The following KLC1 variants were observed in gnomAD, a reference collection of about 807,000 sequenced individuals.
KLC1 encodes the protein kinesin light chain 1.
KLC1 carries 30 observed loss-of-function variants against 84.2 expected under a neutral mutation model. That is an observed-to-expected ratio of 0.36 (90% confidence interval 0.27 to 0.48). KLC1 has a LOEUF of 0.48. Ranked by LOEUF, KLC1 falls within the 20% of genes least tolerant of loss-of-function variation. The probability of loss-of-function intolerance (pLI) is 0.99; values close to 1 mark genes in which losing one functional copy is unlikely to be tolerated. For missense variants in KLC1, 499 were observed against 805.4 expected (o/e 0.62, Z 4.60); for synonymous variants, 289 against 293.3 (o/e 0.99, Z 0.15).
rs768035221 is a variant in KLC1 at position 103,679,577 on chromosome 14, G to A, written c.1650+32G>A. 1.2e-5 allele frequency: 18 copies of A among 1,562,068 alleles called. No individual in the cohort carries two copies. The South Asian group carries it at 1.3e-4, about 12-fold the overall frequency. ...ACAGTACACAGCGGGCACGTGCTCC[G>A]GGAGGCGCCCCCAAGTGGCGCTTGC... On this transcript the variant is annotated intron_variant, in intron 13 of 16. Transcript: ENST00000334553.
chr14:103,673,233 G>T (rs11160757), intron 8 of KLC1, 46 bp downstream of exon 8: 1,526,636 of 1,579,244 alleles, frequency 0.97, 738,738 homozygotes, highest in East Asian at 0.98. Flanking sequence ...GAGTGCTTTC[G>T]TCCCAAGTCC....
At chr14:103,695,257 T>TC in intron 15 of KLC1, 9 of 678,440 alleles carry the variant, frequency 1.3e-5, no homozygotes, top group Non-Finnish European at 1.6e-5. Context: ...TGAGCCCAGT[T>TC]CAAGAACAGC....
chr14:103,632,871 G>C (rs1297719313), intron 1 of KLC1, among the ~76,000 whole-genome samples: 2 of 152,134 alleles, frequency 1.3e-5, no homozygotes, highest in Non-Finnish European at 2.9e-5. Context: ...GCCAGTGTCA[G>C]GGGGTCAGGG....
chr14:103,698,623 T>G, intron 15 of KLC1: 6 of 652,016 alleles, frequency 9.2e-6, no homozygotes, highest in Non-Finnish European at 1.6e-5. Flanking sequence ...CCAGCTCAGA[T>G]GGGGGTCAGT....
At chr14:103,666,447 G>A (rs1457317271) in intron 5 of KLC1, among the ~76,000 whole-genome samples, 1 of 152,156 alleles carries the variant, frequency 6.6e-6, no homozygotes, top group Non-Finnish European at 1.5e-5. Flanking sequence ...AGCAGGGCTA[G>A]GGTAGTCTGG....
In KLC1 at chr14:103,694,555, A is replaced by G; in HGVS notation, c.1848+2130A>G. The stretch of plus-strand genomic sequence containing the variant: ...CTGAGGCTGTATTTCTTAGCCGTCC[A>G]CAAACTAGTCCATAGGTAAAGAGCA... On this transcript the variant is annotated intron_variant, in intron 15 of 16. Coordinates refer to ENST00000334553, the MANE Select transcript of KLC1 (RefSeq NM_001394837.1). This position sits in a 1 kb window ranked among gnomAD's most constrained non-coding sequence, Gnocchi z 4.5. The G allele has an allele frequency of 1.0e-6, 1 of 985,508 alleles. No homozygotes were observed. Among genetic ancestry groups the G allele is most frequent in the Non-Finnish European group, 1.2e-6 (1 of 829,956 alleles). The allele number at this position is 985,508 out of a possible 1,614,324, so 61.0% of individuals were successfully genotyped here. A position where few individuals can be genotyped will look rare whatever the true frequency, so the allele number is the denominator to read the frequency against.
In KLC1 at chr14:103,647,183, G is replaced by A. The variant is rs75615962; in HGVS notation, c.-1-7381G>A. ...CTGTTAAGCCTTATTTCAAGTTTGA[G>A]CATGGGTTTTTTATTTACTTTCTTT... On this transcript the variant is annotated intron_variant, in intron 1 of 16. Transcript: ENST00000334553. Among the ~76,000 whole-genome samples the A allele has an allele frequency of 3.7e-4, 56 of 152,026 alleles. No individual in the cohort carries two copies. In the East Asian group the frequency reaches 0.01, roughly 27 times the overall value.
At chr14:103,656,618 T>G (rs1567018703) in intron 2 of KLC1, among the ~76,000 whole-genome samples, 1 of 152,222 alleles carries the variant, frequency 6.6e-6, no homozygotes, top group African/African-American at 2.4e-5. Context: ...CTAACCATGT[T>G]ACAGCCTTGA....
intron 13 of KLC1, chr14:103,685,223 A>G: frequency 7.1e-7 from 1 of 1,413,122 alleles, no homozygotes; most frequent in Non-Finnish European, 9.2e-7. Flanking sequence ...AGTTTCTGAA[A>G]TGTCTAAAAT....
intron 2 of KLC1, among the ~76,000 whole-genome samples, chr14:103,655,387 C>T (rs936473544): frequency 2.0e-5 from 3 of 152,016 alleles, no homozygotes; most frequent in African/African-American, 7.2e-5. Flanking sequence ...ACTGCATCCT[C>T]TGCCTCCTGG....
At chr14:103,700,573 C>A in intron 15 of KLC1, 82 bp from the exon 16 acceptor site, 1 of 1,131,822 alleles carries the variant, frequency 8.8e-7, no homozygotes, top group Non-Finnish European at 1.3e-6. Flanking sequence ...CAGCCACACG[C>A]TGGTGTCACG....
At chr14:103,640,589 T>C (rs1485935090) in intron 1 of KLC1, among the ~76,000 whole-genome samples, 1 of 151,508 alleles carries the variant, frequency 6.6e-6, no homozygotes, top group Non-Finnish European at 1.5e-5. Context: ...CTCGATCTCC[T>C]GACCTTGTGA....
intron 15 of KLC1, chr14:103,699,299 G>A (rs1412191892): frequency 1.4e-5 from 22 of 1,546,930 alleles, no homozygotes; most frequent in South Asian, 5.9e-5. Flanking sequence ...CCTCCAGACC[G>A]GCTCTGCTTC....
At chr14:103,643,398 G>A (rs1042565241) in intron 1 of KLC1, among the ~76,000 whole-genome samples, 4 of 152,176 alleles carry the variant, frequency 2.6e-5, no homozygotes, top group South Asian at 2.1e-4. Context: ...CCAGGTGGTC[G>A]AGGCTGATGT....
intron 13 of KLC1, chr14:103,684,863 T>C: frequency 1.5e-6 from 1 of 685,486 alleles, no homozygotes; most frequent in Non-Finnish European, 2.7e-6. Flanking sequence ...GGGGCTGCAC[T>C]GTTAATGACG....
chr14:103,670,135 A>C (rs531578661), intron 6 of KLC1, 47 bp from the exon 7 acceptor site: 1 of 1,318,406 alleles, frequency 7.6e-7, no homozygotes, highest in Non-Finnish European at 1.1e-6. Flanking sequence ...ATGTACTCTT[A>C]TTTGGTTATC....
intron 1 of KLC1, among the ~76,000 whole-genome samples, chr14:103,643,253 C>G (rs2077629560): frequency 6.6e-6 from 1 of 152,206 alleles, no homozygotes; most frequent in Admixed American, 6.5e-5. Context: ...AGAGGGTCCT[C>G]TATAACTTTC....
chr14:103,695,834 A>G (rs1478895643), intron 15 of KLC1: 3 of 985,288 alleles, frequency 3.0e-6, no homozygotes, highest in Non-Finnish European at 3.6e-6. Context: ...AAGCCAGCTC[A>G]TAAAGGAAGG....
In KLC1 at chr14:103,696,997, C is replaced by CG; in HGVS notation, c.1849-3654dup. On this transcript the variant is annotated intron_variant, in intron 15 of 16. Coordinates refer to ENST00000334553, the MANE Select transcript of KLC1 (RefSeq NM_001394837.1). The stretch of plus-strand genomic sequence containing the variant: ...GGGGCAGGAACTGAGCCAGCATGGG[C>CG]GGGGCCGGCCGAGCTTCCAGGCGTG... 3.0e-6 allele frequency: 3 copies of CG among 985,414 alleles called. No homozygotes were observed. In the Admixed American group the frequency reaches 1.8e-4, roughly 60 times the overall value. The allele number at this position is 985,414 out of a possible 1,614,324, so 61.0% of individuals were successfully genotyped here. A position where few individuals can be genotyped will look rare whatever the true frequency, so the allele number is the denominator to read the frequency against.
Sources: allele counts gnomAD v4.1 joint callset (sites outside exome capture counted in the v4.1 genomes callset), GRCh38; gene constraint gnomAD v4.1.1; non-coding constraint Gnocchi (gnomAD v3.1); transcripts MANE v1.5; gene names NCBI Gene and HGNC (gene_info 2026-07-23, HGNC 2026-07-21).